ATF7IP2: variants seen among roughly 807,000 people sequenced by gnomAD.
The protein encoded by ATF7IP2 is activating transcription factor 7 interacting protein 2.
Under a neutral mutation model 64.2 loss-of-function variants are expected in ATF7IP2, and 42 were observed. That is an observed-to-expected ratio of 0.65 (90% CI 0.51 to 0.85). The LOEUF (loss-of-function observed/expected upper bound fraction) is 0.85. Among genes scored for constraint, ATF7IP2 ranks in the 40% least tolerant of loss-of-function variants. The pLI is 0.00. For missense variants in ATF7IP2, 933 were observed against 784.2 expected (o/e 1.19, Z -2.27); for synonymous variants, 308 against 272.8 (o/e 1.13, Z -1.27).
At chr16:10,414,080 T>G (rs2047822951) in intron 1 of ATF7IP2, among the ~76,000 whole-genome samples, 1 of 152,314 alleles carries the variant, frequency 6.6e-6, no homozygotes, top group South Asian at 2.1e-4. Context: ...CTTTTTGCAG[T>G]GAATTTCCCA....
At chr16:10,477,614 C>T (rs930677602) in intron 12 of ATF7IP2, among the ~76,000 whole-genome samples, 3 of 152,140 alleles carry the variant, frequency 2.0e-5, no homozygotes, top group African/African-American at 4.8e-5. Context: ...TCTCTCACCG[C>T]TCCTATTCAA....
At chr16:10,450,471 A>G (rs1232691533) in intron 8 of ATF7IP2, among the ~76,000 whole-genome samples, 4 of 152,188 alleles carry the variant, frequency 2.6e-5, no homozygotes, top group African/African-American at 7.2e-5. Context: ...GTAGGTCTTT[A>G]AGAACTTGCT....
At chr16:10,411,352 T>G (rs1429994203) in intron 1 of ATF7IP2, among the ~76,000 whole-genome samples, 1 of 19,756 alleles carries the variant, frequency 5.1e-5, no homozygotes, top group Non-Finnish European at 9.1e-5. Flanking sequence ...GGCCTTTTTG[T>G]TTTTTTTTTT....
At chr16:10,476,484 TTGTGTG>T (rs144175914) in intron 12 of ATF7IP2, among the ~76,000 whole-genome samples, 1 of 122,582 alleles carries the variant, frequency 8.2e-6, no homozygotes, top group African/African-American at 5.0e-5. Context: ...CTCTCCCCAG[TTGTGTG>T]TGTGTGTGTT....
intron 9 of ATF7IP2, among the ~76,000 whole-genome samples, chr16:10,468,572 C>T (rs2049669399): frequency 6.6e-6 from 1 of 152,104 alleles, no homozygotes; most frequent in African/African-American, 2.4e-5. Context: ...CCAAACAGAG[C>T]CTTGTGGTCT....
At chr16:10,401,093 CATTT>C (rs1016620989) in intron 1 of ATF7IP2, among the ~76,000 whole-genome samples, 184 of 152,284 alleles carry the variant, frequency 1.2e-3, no homozygotes, top group African/African-American at 4.1e-3. Context: ...TGATAAATCA[CATTT>C]ATTGATTTGC....
chr16:10,424,752 A>G (rs2048050677), intron 3 of ATF7IP2, among the ~76,000 whole-genome samples: 1 of 152,216 alleles, frequency 6.6e-6, no homozygotes. Flanking sequence ...CAACATCATT[A>G]GCCGTCAGGT....
At chr16:10,414,471 C>T (rs1281793762) in intron 1 of ATF7IP2, 103 bp from the exon 2 acceptor site, 1 of 151,888 alleles carries the variant, frequency 6.6e-6, no homozygotes, top group Non-Finnish European at 1.5e-5. Context: ...GATTTCTCCC[C>T]TTATTTCTTG....
intron 8 of ATF7IP2, among the ~76,000 whole-genome samples, chr16:10,455,621 G>C (rs1006797803): frequency 6.6e-6 from 1 of 152,172 alleles, no homozygotes; most frequent in Non-Finnish European, 1.5e-5. Flanking sequence ...ATAGAGACTA[G>C]AGGAGTTTTG....
intron 1 of ATF7IP2, among the ~76,000 whole-genome samples, chr16:10,389,657 A>AT (rs2047282142): frequency 6.6e-6 from 1 of 152,250 alleles, no homozygotes; most frequent in South Asian, 2.1e-4. Flanking sequence ...AAATACTGAG[A>AT]TTTTAAAAAC....
chr16:10,394,026 C>G (rs984841494), intron 1 of ATF7IP2, among the ~76,000 whole-genome samples: 1 of 152,124 alleles, frequency 6.6e-6, no homozygotes, highest in African/African-American at 2.4e-5. Flanking sequence ...AGAGACCTAT[C>G]TCTAAACAAA....
chr16:10,458,014 A>T (rs971185471), intron 9 of ATF7IP2, among the ~76,000 whole-genome samples: 1 of 152,206 alleles, frequency 6.6e-6, no homozygotes, highest in Non-Finnish European at 1.5e-5. Flanking sequence ...GCCTGGCCCT[A>T]TACTTGAGTT....
intron 12 of ATF7IP2, among the ~76,000 whole-genome samples, chr16:10,477,920 A>C (rs981420691): frequency 3.2e-4 from 46 of 143,338 alleles, no homozygotes; most frequent in East Asian, 1.7e-3. Flanking sequence ...CAAAGAGAAT[A>C]AAATACCTAG....
intron 1 of ATF7IP2, among the ~76,000 whole-genome samples, chr16:10,403,898 A>G (rs2047583504): frequency 6.6e-6 from 1 of 152,212 alleles, no homozygotes; most frequent in Admixed American, 6.5e-5. Context: ...AGACAAAAAT[A>G]ATATATAAGA....
At chr16:10,425,565 T>C (rs1034785039) in intron 3 of ATF7IP2, among the ~76,000 whole-genome samples, 1 of 152,152 alleles carries the variant, frequency 6.6e-6, no homozygotes, top group East Asian at 1.9e-4. Context: ...GGTGAAAATA[T>C]TTATGTATTA....
intron 1 of ATF7IP2, among the ~76,000 whole-genome samples, chr16:10,399,414 G>C (rs1466447833): frequency 6.6e-6 from 1 of 152,158 alleles, no homozygotes; most frequent in African/African-American, 2.4e-5. Context: ...TGTTAATCCA[G>C]TTTTCCCAGC....
chr16:10,452,848 C>T (rs543041798), intron 8 of ATF7IP2, among the ~76,000 whole-genome samples: 1 of 152,134 alleles, frequency 6.6e-6, no homozygotes, highest in East Asian at 1.9e-4. Flanking sequence ...TGGGCTCGGC[C>T]CAGTTCAAAC....
chr16:10,411,793 T>C (rs529047908), intron 1 of ATF7IP2, among the ~76,000 whole-genome samples: 1 of 152,304 alleles, frequency 6.6e-6, no homozygotes, highest in South Asian at 2.1e-4. Flanking sequence ...CCATCTCCTC[T>C]AGGTTTTCTA....
At chr16:10,393,280 C>T (rs1236624075) in intron 1 of ATF7IP2, among the ~76,000 whole-genome samples, 1 of 129,304 alleles carries the variant, frequency 7.7e-6, no homozygotes, top group East Asian at 2.4e-4. Flanking sequence ...AATGCCAGTG[C>T]ACTCCAGGCT....
Sources: gnomAD v4.1 joint callset for allele counts (sites outside exome capture counted in the v4.1 genomes callset) on GRCh38, gnomAD v4.1.1 for gene constraint, MANE v1.5 for transcripts, NCBI Gene and HGNC (gene_info 2026-07-23, HGNC 2026-07-21) for gene names.